Variants in RIC1 observed in about 807,000 individuals in gnomAD.
RIC1 encodes guanine nucleotide exchange factor subunit RIC1.
In RIC1, 88 loss-of-function variants were observed where a neutral mutation model predicts 169.0. That is an observed-to-expected ratio of 0.52 (90% CI 0.44 to 0.62). The LOEUF is 0.62. RIC1 is among the 20% of genes least tolerant of loss of function. The pLI is 0.00. For synonymous variants in RIC1, 790 were observed against 601.5 expected (o/e 1.31, Z -4.59); for missense variants, 1,877 against 1,725.5 (o/e 1.09, Z -1.56).
intron 2 of RIC1, among the ~76,000 whole-genome samples, chr9:5,683,446 G>A (rs917992087): frequency 2.0e-5 from 3 of 152,182 alleles, no homozygotes; most frequent in Non-Finnish European, 4.4e-5. Flanking sequence ...CAGCAGCAGT[G>A]GCTGCAGAAC....
chr9:5,759,036 C>G (rs1826181443), intron 17 of RIC1, among the ~76,000 whole-genome samples: 1 of 151,992 alleles, frequency 6.6e-6, no homozygotes. Context: ...AGCCATCGTG[C>G]TCGGCCTTGG....
intron 3 of RIC1, among the ~76,000 whole-genome samples, chr9:5,696,200 C>T (rs1404410987): frequency 6.6e-6 from 1 of 152,068 alleles, no homozygotes; most frequent in Non-Finnish European, 1.5e-5. Context: ...TAACTCATTT[C>T]TCTTCCCCTA....
chr9:5,712,557 C>T (rs1822997344), intron 3 of RIC1, among the ~76,000 whole-genome samples: 2 of 152,178 alleles, frequency 1.3e-5, no homozygotes, highest in South Asian at 2.1e-4. Context: ...CAAAAGAAGA[C>T]ATATGTCTTT....
rs139516299 is a variant in RIC1, at chr9:5,706,374, C to G, written c.333-7522C>G. On this transcript the variant is annotated intron_variant, in intron 3 of 25. Coordinates refer to ENST00000414202, the MANE Select transcript of RIC1 (RefSeq NM_020829.4). ...GGCTAAGGCAGGAGAATTGCTTGAA[C>G]CAGGGAGTCGGAGGTTGCGGTGAGC... is the stretch of plus-strand genomic sequence containing the variant. Among the ~76,000 whole-genome samples, 1,403 of 152,264 alleles carry G rather than the reference C, an allele frequency of 9.2e-3. 19 individuals carry two copies. Among genetic ancestry groups the G allele is most frequent in the African/African-American group, 0.031 (1,292 of 41,554 alleles).
chr9:5,722,098 G>T (rs1482779546), intron 6 of RIC1, among the ~76,000 whole-genome samples: 1 of 151,854 alleles, frequency 6.6e-6, no homozygotes, highest in Non-Finnish European at 1.5e-5. Flanking sequence ...CTGTTGGTCA[G>T]GCTGGTCTTG....
intron 21 of RIC1, among the ~76,000 whole-genome samples, chr9:5,767,992 G>C (rs1462730192): frequency 1.3e-5 from 2 of 152,170 alleles, no homozygotes; most frequent in Non-Finnish European, 2.9e-5. Flanking sequence ...TATCCACATT[G>C]TATAGGTGAA....
In RIC1 at chr9:5,776,492, TTGC is replaced by T. The variant is rs1827594525; in HGVS notation, c.*2251_*2253del. ...AATCAACCTTTGCTTGTAATTAAAG[TTGC>T]TGCTATTTCTGTAATGTGTATTTTT... On this transcript the variant is annotated 3_prime_UTR_variant, in exon 26 of 26. Transcript: ENST00000414202. The T allele has an allele frequency of 6.6e-6, 1 of 152,084 alleles. No individual in the cohort carries two copies. Among genetic ancestry groups the T allele is most frequent in the African/African-American group, 2.4e-5 (1 of 41,436 alleles). 9.4% of individuals were successfully genotyped at this position (152,084 alleles called of 1,614,324 possible).
intron 1 of RIC1, among the ~76,000 whole-genome samples, chr9:5,631,548 G>A (rs1437428917): frequency 1.3e-5 from 2 of 151,990 alleles, no homozygotes; most frequent in Non-Finnish European, 2.9e-5. Flanking sequence ...ATAGCTGGGC[G>A]TGGTGGTGCA....
Position 5,738,501 on chromosome 9 carries a change from A to G in RIC1, c.864A>G (p.Leu288=), listed in dbSNP as rs773754854. The G allele has an allele frequency of 3.8e-6, 6 of 1,595,400 alleles. No individual in the cohort carries two copies. Among genetic ancestry groups the G allele is most frequent in the East Asian group, 2.2e-5 (1 of 44,554 alleles). Residue 288 remains leucine (L), a synonymous_variant, in exon 8 of 26, where the codon CTA becomes CTG. Transcript: ENST00000414202. The part of the protein sequence containing the change: ...TIDNSTGAML[L]SHKLELTAKQ... ...ATAACAGCACTGGAGCCATGCTGCT[A>G]TCTCATAAATTAGAGCTAACAGCAA...
intron 1 of RIC1, among the ~76,000 whole-genome samples, chr9:5,631,450 GA>G (rs980268512): frequency 2.6e-5 from 4 of 152,014 alleles, no homozygotes; most frequent in Non-Finnish European, 5.9e-5. Flanking sequence ...TGTTGTCACT[GA>G]AAAAAATCAG....
chr9:5,660,528 T>G (rs1480466701), intron 2 of RIC1, among the ~76,000 whole-genome samples: 2 of 152,168 alleles, frequency 1.3e-5, no homozygotes, highest in Non-Finnish European at 2.9e-5. Context: ...TTTTTTGACT[T>G]TTTAGTAATA....
At chr9:5,645,890 T>G (rs2130357018) in intron 1 of RIC1, among the ~76,000 whole-genome samples, 1 of 152,232 alleles carries the variant, frequency 6.6e-6, no homozygotes, top group African/African-American at 2.4e-5. Context: ...ATCCCTGCTT[T>G]ACTTCTTTTG....
intron 6 of RIC1, among the ~76,000 whole-genome samples, chr9:5,729,078 T>G (rs940448808): frequency 6.6e-6 from 1 of 152,176 alleles, no homozygotes; most frequent in Non-Finnish European, 1.5e-5. Flanking sequence ...CCTGCAGTCC[T>G]TTCTAGAGGA....
chr9:5,661,086 A>C (rs558675429), intron 2 of RIC1, among the ~76,000 whole-genome samples: 1 of 152,274 alleles, frequency 6.6e-6, no homozygotes, highest in East Asian at 1.9e-4. Context: ...CATATATTAC[A>C]TGGGGAATCC....
At chr9:5,758,718 CCTT>C (rs1366825428) in intron 17 of RIC1, among the ~76,000 whole-genome samples, 4 of 146,700 alleles carry the variant, frequency 2.7e-5, no homozygotes, top group Admixed American at 1.3e-4. Flanking sequence ...TCTTGGTCTC[CCTT>C]CTTTTTTTTT....
In RIC1 at chr9:5,769,312, T is replaced by TTAC. The variant is rs757814313; in HGVS notation, c.3424+57_3424+59dup. 4 of 1,613,898 alleles carry TTAC rather than the reference T, an allele frequency of 2.5e-6. No individual in the cohort carries two copies. In the East Asian group the frequency reaches 8.9e-5, roughly 36 times the overall value. On this transcript the variant is annotated intron_variant, in intron 22 of 25. Transcript: ENST00000414202. ...GAGAATTGTATTTTACTCCGTGTAT[T>TTAC]TACACATTTTGCTATTAGTTGATAT...
At chr9:5,652,727 G>C (rs938444500) in intron 1 of RIC1, among the ~76,000 whole-genome samples, 5 of 151,820 alleles carry the variant, frequency 3.3e-5, no homozygotes, top group African/African-American at 1.2e-4. Context: ...CTCTGGCTAG[G>C]ATTTCCAGTA....
chr9:5,673,609 A>G (rs1820258141), intron 2 of RIC1, among the ~76,000 whole-genome samples: 1 of 148,226 alleles, frequency 6.7e-6, no homozygotes, highest in South Asian at 2.1e-4. Context: ...TCCATCAAGA[A>G]AAGAATAGCA....
At chr9:5,691,471 T>G (rs1028059005) in intron 3 of RIC1, among the ~76,000 whole-genome samples, 1 of 151,996 alleles carries the variant, frequency 6.6e-6, no homozygotes, top group Non-Finnish European at 1.5e-5. Context: ...GTACAGACTT[T>G]TTTGATGATG....
Sources: allele counts gnomAD v4.1 joint callset (sites outside exome capture counted in the v4.1 genomes callset), GRCh38; gene constraint gnomAD v4.1.1; transcripts MANE v1.5; gene names NCBI Gene and HGNC (gene_info 2026-07-23, HGNC 2026-07-21).